Variants in AKAP6 observed in about 807,000 individuals in gnomAD.
AKAP6 encodes A-kinase anchoring protein 6.
In AKAP6, 58 loss-of-function variants were observed where a neutral mutation model predicts 188.5. That is an observed-to-expected ratio of 0.31 (90% CI 0.25 to 0.38). The LOEUF is 0.38. Among genes scored for constraint, AKAP6 ranks in the 10% least tolerant of loss-of-function variants. The probability of loss-of-function intolerance (pLI) is 1.00; values close to 1 mark genes in which losing one functional copy is unlikely to be tolerated. For missense variants in AKAP6, 2,710 were observed against 2,740.0 expected, an observed-to-expected ratio of 0.99 and a Z score of 0.24; for synonymous variants, 989 against 998.6, an observed-to-expected ratio of 0.99 and a Z score of 0.18.
intron 11 of AKAP6, among the ~76,000 whole-genome samples, chr14:32,771,687 T>C (rs1425848868): frequency 6.6e-6 from 1 of 152,216 alleles, no homozygotes; most frequent in Non-Finnish European, 1.5e-5. Context: ...GTGCCATCCA[T>C]TGCAAATTTT....
intron 2 of AKAP6, among the ~76,000 whole-genome samples, chr14:32,445,535 G>A (rs992894416): frequency 6.6e-6 from 1 of 151,992 alleles, no homozygotes; most frequent in African/African-American, 2.4e-5. Context: ...ACCATGCCCA[G>A]CTAATTTTTT....
At chr14:32,454,330 G>C (rs1361057747) in intron 2 of AKAP6, among the ~76,000 whole-genome samples, 1 of 152,164 alleles carries the variant, frequency 6.6e-6, no homozygotes, top group Non-Finnish European at 1.5e-5. Context: ...AAGCAGCAGA[G>C]CTTTTATATT....
At chr14:32,331,459 C>A (rs1044081993) in intron 1 of AKAP6, among the ~76,000 whole-genome samples, 1 of 151,938 alleles carries the variant, frequency 6.6e-6, no homozygotes, top group Non-Finnish European at 1.5e-5. Flanking sequence ...TGTAATTTTT[C>A]CCCCCGCAAA....
At chr14:32,413,256 A>T (rs1594589588) in intron 1 of AKAP6, among the ~76,000 whole-genome samples, 1 of 141,114 alleles carries the variant, frequency 7.1e-6, no homozygotes, top group African/African-American at 2.7e-5. Context: ...ATCATGATTC[A>T]CTGCAGCCTT....
chr14:32,754,469 A>T (rs1343908194), intron 11 of AKAP6, among the ~76,000 whole-genome samples: 1 of 152,138 alleles, frequency 6.6e-6, no homozygotes, highest in African/African-American at 2.4e-5. Context: ...TCATTACCAA[A>T]CTATTTTAGC....
intron 12 of AKAP6, among the ~76,000 whole-genome samples, chr14:32,815,361 CTGAT>C (rs1430245881): frequency 1.3e-5 from 2 of 152,128 alleles, no homozygotes; most frequent in East Asian, 3.9e-4. Context: ...TGTTGTCAAT[CTGAT>C]AGATAGTGAG....
chr14:32,390,745 A>G (rs1052913384), intron 1 of AKAP6, among the ~76,000 whole-genome samples: 1 of 152,054 alleles, frequency 6.6e-6, no homozygotes. Context: ...CAGTATTTGA[A>G]GTGTCTCCTG....
chr14:32,739,853 T>A (rs1035322502), intron 11 of AKAP6, among the ~76,000 whole-genome samples: 2 of 152,122 alleles, frequency 1.3e-5, no homozygotes, highest in African/African-American at 4.8e-5. Context: ...AGAAATTTCT[T>A]CAATATACTG....
At chr14:32,714,555 C>A (rs56063614) in intron 9 of AKAP6, among the ~76,000 whole-genome samples, 77,153 of 151,694 alleles carry the variant, frequency 0.51, 20,478 homozygotes, top group South Asian at 0.6. Context: ...CTTTCCTTTT[C>A]CTTTTACTTT....
At chr14:32,657,584 C>T (rs369038274) in intron 7 of AKAP6, among the ~76,000 whole-genome samples, 92 of 152,220 alleles carry the variant, frequency 6.0e-4, no homozygotes, top group African/African-American at 1.9e-3. Flanking sequence ...ATATCCAGCA[C>T]GGGCTTACTA....
intron 7 of AKAP6, among the ~76,000 whole-genome samples, chr14:32,657,783 CA>C (rs1408181794): frequency 5.3e-5 from 8 of 151,600 alleles, no homozygotes; most frequent in African/African-American, 1.9e-4. Flanking sequence ...ACATGGATAC[CA>C]TTTCTACAGT....
intron 9 of AKAP6, among the ~76,000 whole-genome samples, chr14:32,718,563 C>G (rs1244304873): frequency 6.6e-6 from 1 of 152,150 alleles, no homozygotes; most frequent in Non-Finnish European, 1.5e-5. Context: ...TTAAAATATT[C>G]AAAGAACTAC....
intron 1 of AKAP6, among the ~76,000 whole-genome samples, chr14:32,414,308 G>A (rs1049051345): frequency 3.9e-5 from 6 of 152,136 alleles, no homozygotes; most frequent in African/African-American, 1.4e-4. Context: ...AGAAATGTAT[G>A]TTTGGAAAAG....
intron 7 of AKAP6, among the ~76,000 whole-genome samples, chr14:32,602,671 A>C (rs1885975626): frequency 6.6e-6 from 1 of 152,206 alleles, no homozygotes; most frequent in African/African-American, 2.4e-5. Flanking sequence ...TGTTGGCTAC[A>C]TTTTACATGC....
Position 32,544,172 on chromosome 14 carries a change from C to T in AKAP6, c.577-1058C>T, listed in dbSNP as rs1007594172. Among the ~76,000 whole-genome samples the T allele has an allele frequency of 2.3e-4, 35 of 152,304 alleles. 1 individual carries two copies. Among genetic ancestry groups the T allele is most frequent in the Admixed American group, 4.6e-4 (7 of 15,296 alleles). ...ATGGAATCCAGCTTCAATTGGCTCA[C>T]CACAGTTCTTCCTCCAGAAAAAAAG... On this transcript the variant is annotated intron_variant, in intron 3 of 13. Transcript: ENST00000280979.
chr14:32,753,921 T>C (rs1383989051), intron 11 of AKAP6, among the ~76,000 whole-genome samples: 1 of 152,140 alleles, frequency 6.6e-6, no homozygotes, highest in Non-Finnish European at 1.5e-5. Flanking sequence ...TTTTGATTAC[T>C]ATAGCTTTGT....
intron 11 of AKAP6, among the ~76,000 whole-genome samples, chr14:32,766,264 G>A (rs758639668): frequency 6.6e-6 from 1 of 151,948 alleles, no homozygotes; most frequent in Non-Finnish European, 1.5e-5. Flanking sequence ...CACAGTTGAT[G>A]GGTGTTTGAC....
At chr14:32,561,568 C>T (rs1014351336) in intron 4 of AKAP6, among the ~76,000 whole-genome samples, 2 of 152,140 alleles carry the variant, frequency 1.3e-5, no homozygotes, top group African/African-American at 4.8e-5. Flanking sequence ...TTTGGGTGAA[C>T]TCAAGTTTCC....
At chr14:32,490,652 GA>G (rs1179068348) in intron 2 of AKAP6, among the ~76,000 whole-genome samples, 1 of 152,094 alleles carries the variant, frequency 6.6e-6, no homozygotes, top group Non-Finnish European at 1.5e-5. Context: ...CTGCAGCACT[GA>G]AAATGGCTAG....
Sources: allele counts gnomAD v4.1 joint callset (sites outside exome capture counted in the v4.1 genomes callset), GRCh38; gene constraint gnomAD v4.1.1; transcripts MANE v1.5; gene names NCBI Gene and HGNC (gene_info 2026-07-23, HGNC 2026-07-21).